CPNE4: variants seen among roughly 807,000 people sequenced by gnomAD.
The protein encoded by CPNE4 is copine 4.
Under a neutral mutation model 67.9 loss-of-function variants are expected in CPNE4, and 25 were observed. The observed-to-expected ratio is 0.37, with a 90% CI of 0.27 to 0.51. CPNE4 has a LOEUF of 0.51. Ranked by LOEUF, CPNE4 falls within the 20% of genes least tolerant of loss-of-function variation. The probability of loss-of-function intolerance (pLI) is 0.93; values close to 1 mark genes in which losing one functional copy is unlikely to be tolerated. For synonymous variants in CPNE4, 242 were observed against 244.9 expected, an observed-to-expected ratio of 0.99 and a Z score of 0.11; for missense variants, 464 against 690.8, an observed-to-expected ratio of 0.67 and a Z score of 3.68.
chr3:131,948,310 T>C (rs2071620788), intron 1 of CPNE4, among the ~76,000 whole-genome samples: 1 of 152,166 alleles, frequency 6.6e-6, no homozygotes, highest in Non-Finnish European at 1.5e-5. Context: ...GATGGTTTTA[T>C]AAGGGTCTAA....
intron 7 of CPNE4, among the ~76,000 whole-genome samples, chr3:131,595,137 G>C (rs1938768359): frequency 6.6e-6 from 1 of 152,180 alleles, no homozygotes; most frequent in African/African-American, 2.4e-5. Context: ...TGGTGGAGCA[G>C]CTATGGAAAA....
chr3:131,568,666 TAAG>T (rs10611460), intron 10 of CPNE4, among the ~76,000 whole-genome samples: 14,511 of 151,992 alleles, frequency 0.095, 1,445 homozygotes, highest in African/African-American at 0.26. Flanking sequence ...CCTTGTAAAG[TAAG>T]AATGCAAAAT....
chr3:132,036,099 G>T (rs1458416751), upstream of CPNE4, among the ~76,000 whole-genome samples: 1 of 152,140 alleles, frequency 6.6e-6, no homozygotes, highest in Non-Finnish European at 1.5e-5. Flanking sequence ...TAAACAAAGG[G>T]ACAACCTTCT....
intron 2 of CPNE4, among the ~76,000 whole-genome samples, chr3:131,829,107 T>C (rs1818484): frequency 0.79 from 119,898 of 152,056 alleles, 49,532 homozygotes; most frequent in East Asian, 1. Flanking sequence ...GGGAAACTCC[T>C]GTTTTTAAAA....
At chr3:131,632,641 T>G (rs1414497022) in intron 7 of CPNE4, among the ~76,000 whole-genome samples, 1 of 152,104 alleles carries the variant, frequency 6.6e-6, no homozygotes, top group Non-Finnish European at 1.5e-5. Flanking sequence ...TCCTGTTTTT[T>G]CCCCCAGTAT....
At chr3:131,686,047 C>A in intron 5 of CPNE4, 89 bp from the exon 6 acceptor site, 2 of 726,296 alleles carry the variant, frequency 2.8e-6, no homozygotes, top group Non-Finnish European at 4.7e-6. Context: ...ACAGGAAAAC[C>A]CTCTTGATTT....
At chr3:131,997,544 C>G (rs2073325788) in intron 1 of CPNE4, among the ~76,000 whole-genome samples, 1 of 151,914 alleles carries the variant, frequency 6.6e-6, no homozygotes, top group Admixed American at 6.6e-5. Context: ...AAGGGCTGGC[C>G]TAGAAGAGAG....
chr3:131,713,957 T>A (rs2081620647), intron 3 of CPNE4, among the ~76,000 whole-genome samples: 1 of 152,106 alleles, frequency 6.6e-6, no homozygotes, highest in Non-Finnish European at 1.5e-5. Flanking sequence ...GCTGAGATGA[T>A]GTGATTACTT....
intron 14 of CPNE4, among the ~76,000 whole-genome samples, chr3:131,543,252 C>A (rs1049002539): frequency 1.1e-4 from 16 of 152,170 alleles, no homozygotes; most frequent in Non-Finnish European, 2.1e-4. Context: ...GACTACTCAG[C>A]CCTTGAAATG....
chr3:131,935,073 T>C (rs568219074), intron 1 of CPNE4, among the ~76,000 whole-genome samples: 6 of 152,156 alleles, frequency 3.9e-5, no homozygotes, highest in African/African-American at 7.2e-5. Flanking sequence ...TTAAATAACA[T>C]ATTTTGGCAT....
intron 2 of CPNE4, among the ~76,000 whole-genome samples, chr3:131,828,711 T>G (rs569570087): frequency 2.6e-5 from 4 of 152,190 alleles, no homozygotes; most frequent in African/African-American, 4.8e-5. Flanking sequence ...TATTTCTTGA[T>G]GATCATAGCC....
At chr3:131,810,661 G>C (rs929109557) in intron 2 of CPNE4, among the ~76,000 whole-genome samples, 2 of 152,088 alleles carry the variant, frequency 1.3e-5, no homozygotes, top group Non-Finnish European at 2.9e-5. Context: ...TTTACCACCT[G>C]ATCCAGCAAA....
intron 2 of CPNE4, among the ~76,000 whole-genome samples, chr3:131,871,443 G>GA: frequency 6.6e-6 from 1 of 152,234 alleles, no homozygotes; most frequent in East Asian, 1.9e-4. Context: ...TCAGAATGCT[G>GA]AAAACAGCTA....
chr3:131,891,745 G>A (rs2088125460), intron 2 of CPNE4, among the ~76,000 whole-genome samples: 2 of 151,970 alleles, frequency 1.3e-5, no homozygotes, highest in Admixed American at 1.3e-4. Context: ...TTCTGCAAAG[G>A]ACATAACCTT....
Position 131,884,278 on chromosome 3 carries a change from C to T in CPNE4, c.180+20986G>A, listed in dbSNP as rs993864590. Among the ~76,000 whole-genome samples, 3 of 152,118 alleles carry T rather than the reference C, an allele frequency of 2.0e-5. No individual in the cohort carries two copies. In the East Asian group the frequency reaches 5.8e-4, roughly 29 times the overall value. ...TGGTAGGTAAATCACGGTTCATCTA[C>T]AGGATGAACTGCTTCTGGCCATTGA... On this transcript the variant is annotated intron_variant, in intron 2 of 15. Coordinates refer to ENST00000429747, the MANE Select transcript of CPNE4 (RefSeq NM_130808.3).
chr3:131,725,414 AC>A (rs2081978709), intron 2 of CPNE4, among the ~76,000 whole-genome samples: 1 of 152,098 alleles, frequency 6.6e-6, no homozygotes, highest in Non-Finnish European at 1.5e-5. Flanking sequence ...CATACAGAAA[AC>A]CAATCTCCAG....
chr3:131,664,467 T>C (rs1027327146), intron 7 of CPNE4, among the ~76,000 whole-genome samples: 2 of 152,232 alleles, frequency 1.3e-5, no homozygotes, highest in Admixed American at 1.3e-4. Context: ...CATTGTGTTA[T>C]AGTTTTATTG....
chr3:131,626,683 C>A (rs1479254755), intron 7 of CPNE4, among the ~76,000 whole-genome samples: 4 of 152,188 alleles, frequency 2.6e-5, no homozygotes, highest in Non-Finnish European at 5.9e-5. Context: ...GAAGATCCAG[C>A]TATGATCATT....
At chr3:131,892,251 A>G (rs142822987) in intron 2 of CPNE4, among the ~76,000 whole-genome samples, 34 of 152,224 alleles carry the variant, frequency 2.2e-4, no homozygotes, top group African/African-American at 7.5e-4. Flanking sequence ...ATTGCCACCA[A>G]TGTGGAAGCC....
Sources: allele counts gnomAD v4.1 joint callset (sites outside exome capture counted in the v4.1 genomes callset), GRCh38; gene constraint gnomAD v4.1.1; transcripts MANE v1.5; gene names NCBI Gene and HGNC (gene_info 2026-07-23, HGNC 2026-07-21).